PKLR: variants seen among roughly 807,000 people sequenced by gnomAD.
The protein encoded by PKLR is pyruvate kinase PKLR.
In PKLR, 38 loss-of-function variants were observed where a neutral mutation model predicts 53.6. The observed-to-expected ratio is 0.71, with a 90% CI of 0.55 to 0.93. PKLR has a LOEUF of 0.93. Ranked by LOEUF, PKLR falls within the 40% of genes least tolerant of loss-of-function variation. PKLR has a pLI of 0.00. For missense variants in PKLR, 702 were observed against 787.3 expected (o/e 0.89, Z 1.30); for synonymous variants, 328 against 316.2 (o/e 1.04, Z -0.39).
chr1:155,304,429 C>G (rs1248035919), upstream of PKLR, among the ~76,000 whole-genome samples: 1 of 93,544 alleles, frequency 1.1e-5, no homozygotes, highest in African/African-American at 4.4e-5. Context: ...AGCAAAACTG[C>G]GTCTCAAAAA....
chr1:155,308,584 A>C, the PKLR span: 3 of 985,340 alleles, frequency 3.0e-6, no homozygotes, highest in Non-Finnish European at 3.6e-6. Flanking sequence ...AAGATAATGA[A>C]AACTTGAGTA....
At position 155,294,667 on chromosome 1, in the gene PKLR, G is replaced by T. The variant is rs765541284; in HGVS notation, c.780C>A (p.Asp260Glu). 3 of 1,614,134 alleles carry T rather than the reference G, an allele frequency of 1.9e-6. No individual in the cohort carries two copies. The South Asian group carries it at 3.3e-5, about 18-fold the overall frequency. The stretch of plus-strand genomic sequence containing the variant: ...CGTCCTGCTCGGACAGCCCGGGCAA[G>T]TCCACCTGGGCCCCTGGCAAGTTCA... ...KGVNLPGAQV[D>E]LPGLSEQDVR... Residue 260 changes from aspartate (D) to glutamate (E), a missense_variant, in exon 6 of 11, where the codon GAC becomes GAA. Transcript: ENST00000342741.
At chr1:155,298,193 G>T (rs1403949339) in intron 2 of PKLR, among the ~76,000 whole-genome samples, 3 of 151,944 alleles carry the variant, frequency 2.0e-5, no homozygotes, top group South Asian at 4.2e-4. Flanking sequence ...GTGCCACCAC[G>T]CCCAGCTAAT....
At chr1:155,294,090 G>A (rs576403277) in intron 7 of PKLR, 145 bp downstream of exon 7, 180 of 905,836 alleles carry the variant, frequency 2.0e-4, no homozygotes, top group Middle Eastern at 9.0e-4. Flanking sequence ...CGGAGATTGC[G>A]CCACTGCACT....
chr1:155,303,311 C>T (rs1402197283), upstream of PKLR, among the ~76,000 whole-genome samples: 2 of 152,196 alleles, frequency 1.3e-5, no homozygotes, highest in Non-Finnish European at 2.9e-5. Flanking sequence ...CTGATACTAA[C>T]TGGTGGGATT....
At chr1:155,301,157 G>A in intron 1 of PKLR, 139 bp downstream of exon 1, 1 of 1,325,110 alleles carries the variant, frequency 7.5e-7, no homozygotes, top group South Asian at 1.3e-5. Context: ...ACACACGGGA[G>A]GCTCTGAAGA....
At chr1:155,294,845 C>T (rs1647467745) in intron 5 of PKLR, 93 bp from the exon 6 acceptor site, 9 of 1,469,778 alleles carry the variant, frequency 6.1e-6, no homozygotes, top group Non-Finnish European at 8.5e-6. Context: ...CGCAAGAGGT[C>T]AGGAACCATG....
In PKLR at chr1:155,294,610, C is replaced by G. The variant is rs757554998; in HGVS notation, c.837G>C (p.Gly279=). Residue 279 remains glycine (G), a synonymous_variant, in exon 6 of 11, where the codon GGG becomes GGC. Coordinates refer to ENST00000342741, the MANE Select transcript of PKLR (RefSeq NM_000298.6). The part of the protein sequence containing the change: ...VRDLRFGVEH[G]VDIVFASFVR... ...CAAAGGAGGCAAAGACGATGTCCAC[C>G]CCATGCTCCACCCCGAAGCGCAGGT... 4.3e-6 allele frequency: 7 copies of G among 1,614,234 alleles called. 1 individual carries two copies. In the South Asian group the frequency reaches 7.7e-5, roughly 18 times the overall value.
the PKLR span, among the ~76,000 whole-genome samples, chr1:155,307,160 A>T: frequency 6.6e-6 from 1 of 152,076 alleles, no homozygotes; most frequent in Non-Finnish European, 1.5e-5. Flanking sequence ...TGATCCGCCC[A>T]CCTTGGCCTC....
intron 1 of PKLR, chr1:155,300,914 C>T: frequency 6.2e-7 from 1 of 1,606,762 alleles, no homozygotes; most frequent in South Asian, 1.1e-5. Flanking sequence ...CTGGGTCTCC[C>T]TCTCTGTGGG....
chr1:155,299,491 C>CTTT (rs35869567), intron 2 of PKLR, among the ~76,000 whole-genome samples: 36 of 42,760 alleles, frequency 8.4e-4, no homozygotes, highest in African/African-American at 2.0e-3. Context: ...GCCCAGCCCA[C>CTTT]TTTTTTTTTT....
chr1:155,304,359 G>A (rs982062533), upstream of PKLR, among the ~76,000 whole-genome samples: 6 of 149,910 alleles, frequency 4.0e-5, no homozygotes, highest in African/African-American at 9.9e-5. Flanking sequence ...ACTTGAATCC[G>A]GGAGGCAGAG....
At position 155,295,888 on chromosome 1, in the gene PKLR, A is replaced by G; in HGVS notation, c.284-132T>C. 2.7e-6 allele frequency: 2 copies of G among 748,906 alleles called. No individual in the cohort carries two copies. Among genetic ancestry groups the G allele is most frequent in the Non-Finnish European group, 4.7e-6 (2 of 425,242 alleles). The allele number at this position is 748,906 out of a possible 1,614,324, so 46.4% of individuals were successfully genotyped here. A position where few individuals can be genotyped will look rare whatever the true frequency, so the allele number is the denominator to read the frequency against. The stretch of plus-strand genomic sequence containing the variant: ...TACCTGATCTTTATTCCCTGATGCA[A>G]CCCCTGCCCACAGATCACAGACTCC... On this transcript the variant is annotated intron_variant, in intron 2 of 10. Coordinates refer to ENST00000342741, the MANE Select transcript of PKLR (RefSeq NM_000298.6). This position sits in a 1 kb window ranked among gnomAD's most constrained non-coding sequence, Gnocchi z 4.3.
At chr1:155,304,161 G>A (rs185685182), upstream of PKLR, among the ~76,000 whole-genome samples, 14 of 152,200 alleles carry the variant, frequency 9.2e-5, no homozygotes, top group African/African-American at 2.6e-4. Context: ...AGCCGGGAGC[G>A]GTGGCTCACG....
At chr1:155,307,063 C>A in the PKLR span, among the ~76,000 whole-genome samples, 1 of 152,134 alleles carries the variant, frequency 6.6e-6, no homozygotes, top group African/African-American at 2.4e-5. Context: ...TACAGGTGTG[C>A]GCCACCATGC....
At chr1:155,305,269 C>T (rs142839664), upstream of PKLR, among the ~76,000 whole-genome samples, 245 of 152,214 alleles carry the variant, frequency 1.6e-3, 3 homozygotes, top group African/African-American at 4.9e-3. Context: ...GAAACCCTAC[C>T]GAATACACTT....
the PKLR span, among the ~76,000 whole-genome samples, chr1:155,307,181 G>A: frequency 6.6e-6 from 1 of 152,208 alleles, no homozygotes; most frequent in African/African-American, 2.4e-5. Context: ...CCAAAGCTCT[G>A]GGATTACAGG....
At chr1:155,294,161 C>A in intron 7 of PKLR, 74 bp downstream of exon 7, 1 of 1,496,332 alleles carries the variant, frequency 6.7e-7, no homozygotes, top group Non-Finnish European at 9.3e-7. Flanking sequence ...AAATAAACCC[C>A]TACAGTGTGG....
rs1553230314 is a variant in PKLR, at chr1:155,293,654, C to G, written c.1117-64G>C. ...ACTGTGACTGGGGACCCTGCCCAAG[C>G]TACTTCTCTGACACCCACACTCTCA... On this transcript the variant is annotated intron_variant, in intron 7 of 10. Transcript: ENST00000342741. This position sits in a 1 kb window ranked among gnomAD's most constrained non-coding sequence, Gnocchi z 4.2. 5 of 1,553,992 alleles carry G rather than the reference C, an allele frequency of 3.2e-6. No homozygotes were observed. In the East Asian group the frequency reaches 1.1e-4, roughly 35 times the overall value.
Sources: allele counts gnomAD v4.1 joint callset (sites outside exome capture counted in the v4.1 genomes callset), GRCh38; gene constraint gnomAD v4.1.1; non-coding constraint Gnocchi (gnomAD v3.1); transcripts MANE v1.5; gene names NCBI Gene and HGNC (gene_info 2026-07-23, HGNC 2026-07-21).